LRCH1: variants seen among roughly 807,000 people sequenced by gnomAD.
The protein encoded by LRCH1 is leucine rich repeats and calponin homology domain containing 1.
Under a neutral mutation model 94.9 loss-of-function variants are expected in LRCH1, and 23 were observed. The ratio of observed to expected loss-of-function variants is 0.24; its 90% confidence interval spans 0.17 to 0.34. The LOEUF is 0.34. Ranked by LOEUF, LRCH1 falls within the 10% of genes least tolerant of loss-of-function variation. The probability of loss-of-function intolerance (pLI) is 1.00; values close to 1 mark genes in which losing one functional copy is unlikely to be tolerated. For missense variants in LRCH1, 790 were observed against 945.9 expected (o/e 0.84, Z 2.16); for synonymous variants, 364 against 354.9 (o/e 1.03, Z -0.29).
chr13:46,620,362 C>CAA (rs1226581498), intron 1 of LRCH1, among the ~76,000 whole-genome samples: 3 of 122,148 alleles, frequency 2.5e-5, no homozygotes, highest in African/African-American at 9.1e-5. Context: ...GAACCTGTCT[C>CAA]AAAAAAAAAA....
intron 4 of LRCH1, among the ~76,000 whole-genome samples, chr13:46,684,643 A>G (rs1328145036): frequency 6.6e-6 from 1 of 152,176 alleles, no homozygotes; most frequent in Non-Finnish European, 1.5e-5. Flanking sequence ...AATTCTTATC[A>G]TCTTACAAAC....
chr13:46,595,963 G>A (rs1311298274), intron 1 of LRCH1, among the ~76,000 whole-genome samples: 1 of 151,386 alleles, frequency 6.6e-6, no homozygotes, highest in African/African-American at 2.4e-5. Flanking sequence ...TAAACACATC[G>A]GTCATAACTT....
Position 46,647,662 on chromosome 13 carries a change from C to G in LRCH1, c.308-2539C>G, listed in dbSNP as rs142153200. 1.3e-4 allele frequency among the ~76,000 whole-genome samples: 20 copies of G among 152,282 alleles called. No homozygotes were observed. The East Asian group carries it at 3.9e-3, about 29-fold the overall frequency. On this transcript the variant is annotated intron_variant, in intron 1 of 19. Transcript: ENST00000389797. ...GCACTCTGGCTTTATACTATTCATA[C>G]AAAGCCTTCCCCATTCTGAGATCGT...
At chr13:46,712,320 G>A (rs9534472) in intron 14 of LRCH1, among the ~76,000 whole-genome samples, 20,184 of 152,172 alleles carry the variant, frequency 0.13, 1,384 homozygotes, top group South Asian at 0.16. Context: ...AACAAATTGA[G>A]TGGGTCACTC....
chr13:46,682,556 A>T (rs554538052), intron 4 of LRCH1, among the ~76,000 whole-genome samples: 13 of 152,286 alleles, frequency 8.5e-5, no homozygotes, highest in African/African-American at 3.1e-4. Flanking sequence ...TCGGGGACAT[A>T]CTTTGTTCTA....
At chr13:46,623,773 A>G (rs2050911375) in intron 1 of LRCH1, among the ~76,000 whole-genome samples, 2 of 144,344 alleles carry the variant, frequency 1.4e-5, no homozygotes, top group Non-Finnish European at 3.0e-5. Flanking sequence ...CAGGTTTGTT[A>G]CATATGTATA....
At chr13:46,695,516 G>C (rs1334091601) in intron 9 of LRCH1, among the ~76,000 whole-genome samples, 2 of 152,258 alleles carry the variant, frequency 1.3e-5, no homozygotes, top group East Asian at 3.9e-4. Flanking sequence ...TTGCCGAGTT[G>C]TCAGGAAAAC....
At chr13:46,751,502 A>T (rs1415838455) in exon 19 of LRCH1, 3 of 151,626 alleles carry the variant, frequency 2.0e-5, no homozygotes, top group Non-Finnish European at 2.9e-5. Context: ...CCCCAAAGTT[A>T]TTTGTAAATA....
rs3803192 is a variant in LRCH1 at position 46,578,368 on chromosome 13, A to C, written c.307+24665A>C. ...TTGGGCTTGGGTGCCACCTTATATA[A>C]ACATTGCTGCTTTTAGTGCATCGCA... On this transcript the variant is annotated intron_variant, in intron 1 of 19. Coordinates refer to ENST00000389797, the MANE Select transcript of LRCH1 (RefSeq NM_001164211.2). 1.8e-4 allele frequency among the ~76,000 whole-genome samples: 28 copies of C among 152,290 alleles called. No homozygotes were observed. The East Asian group carries it at 5.4e-3, about 29-fold the overall frequency.
At position 46,723,205 on chromosome 13, in the gene LRCH1, C is replaced by T; in HGVS notation, c.1760-16C>T. 6.7e-7 allele frequency: 1 copy of T among 1,494,338 alleles called. No individual in the cohort carries two copies. Among genetic ancestry groups the T allele is most frequent in the Non-Finnish European group, 9.2e-7 (1 of 1,083,086 alleles). The allele number at this position is 1,494,338 out of a possible 1,614,324, so 92.6% of individuals were successfully genotyped here. A position where few individuals can be genotyped will look rare whatever the true frequency, so the allele number is the denominator to read the frequency against. ...AAGGCACTATATAAAGGCTTTTTTT[C>T]CCCTTTGTATTGTAGTGTTTCTAAG... On this transcript the variant is annotated splice_polypyrimidine_tract_variant and intron_variant, in intron 16 of 19. Coordinates refer to ENST00000389797, the MANE Select transcript of LRCH1 (RefSeq NM_001164211.2).
At chr13:46,651,713 T>TC (rs1320160664) in intron 2 of LRCH1, among the ~76,000 whole-genome samples, 1 of 150,802 alleles carries the variant, frequency 6.6e-6, no homozygotes, top group Non-Finnish European at 1.5e-5. Context: ...CTTTTTTTTT[T>TC]TTTTTGATAT....
intron 19 of LRCH1, among the ~76,000 whole-genome samples, chr13:46,740,584 A>G (rs746513921): frequency 6.6e-6 from 1 of 152,390 alleles, no homozygotes; most frequent in African/African-American, 2.4e-5. Flanking sequence ...TACATAACAT[A>G]TATCTTAAAT....
At chr13:46,682,912 T>C (rs927953003) in intron 4 of LRCH1, among the ~76,000 whole-genome samples, 2 of 152,160 alleles carry the variant, frequency 1.3e-5, no homozygotes, top group Admixed American at 6.5e-5. Context: ...AGCAGCCTCA[T>C]AGGGGGTAGT....
intron 15 of LRCH1, among the ~76,000 whole-genome samples, chr13:46,714,918 C>A (rs928601236): frequency 2.0e-5 from 3 of 151,748 alleles, no homozygotes; most frequent in African/African-American, 7.3e-5. Context: ...TTTAACTGAG[C>A]AATATTGAAA....
rs1873831772 is a variant in LRCH1 at position 46,744,654 on chromosome 13, G to A, written c.*2806G>A. 2.0e-6 allele frequency: 2 copies of A among 985,416 alleles called. No individual in the cohort carries two copies. Among genetic ancestry groups the A allele is most frequent in the Non-Finnish European group, 2.4e-6 (2 of 829,924 alleles). The allele number at this position is 985,416 out of a possible 1,614,324, so 61.0% of individuals were successfully genotyped here. On this transcript the variant is annotated 3_prime_UTR_variant, in exon 20 of 20. Coordinates refer to ENST00000389797, the MANE Select transcript of LRCH1 (RefSeq NM_001164211.2). Reference sequence around the variant, plus strand: ...TGTAAGAAATTAAAACTAGCGCGTGGTGAGCTGGGTTATCTCTCGAAAACT... The same window carrying A: ...TGTAAGAAATTAAAACTAGCGCGTGATGAGCTGGGTTATCTCTCGAAAACT...
intron 1 of LRCH1, among the ~76,000 whole-genome samples, chr13:46,629,248 G>A (rs2050989878): frequency 1.3e-5 from 2 of 152,180 alleles, no homozygotes; most frequent in Admixed American, 6.5e-5. Context: ...CCTTTCTGCA[G>A]TTAATAAACA....
Position 46,692,654 on chromosome 13 carries a change from A to T in LRCH1, c.1120+13A>T. 1.9e-6 allele frequency: 3 copies of T among 1,594,176 alleles called. No homozygotes were observed. Among genetic ancestry groups the T allele is most frequent in the Non-Finnish European group, 2.6e-6 (3 of 1,162,848 alleles). Reference sequence around the variant, plus strand: ...AGCCCCGTTAAAGGTCTGAGAATAAAAATGTGGAGAAAGTGCTTGTTTTTC... The same window carrying T: ...AGCCCCGTTAAAGGTCTGAGAATAATAATGTGGAGAAAGTGCTTGTTTTTC... On this transcript the variant is annotated intron_variant, in intron 8 of 19. Coordinates refer to ENST00000389797, the MANE Select transcript of LRCH1 (RefSeq NM_001164211.2).
chr13:46,569,278 T>C (rs1245858602), intron 1 of LRCH1, among the ~76,000 whole-genome samples: 1 of 152,190 alleles, frequency 6.6e-6, no homozygotes, highest in Non-Finnish European at 1.5e-5. Context: ...TCAGACACTT[T>C]GCAGACACGA....
intron 13 of LRCH1, 92 bp downstream of exon 13, chr13:46,705,396 A>C: frequency 9.0e-7 from 1 of 1,107,464 alleles, no homozygotes; most frequent in Non-Finnish European, 1.4e-6. Context: ...TCAGGGAGTG[A>C]AACATCTTTA....
Sources: allele counts gnomAD v4.1 joint callset (sites outside exome capture counted in the v4.1 genomes callset), GRCh38; gene constraint gnomAD v4.1.1; transcripts MANE v1.5; gene names NCBI Gene and HGNC (gene_info 2026-07-23, HGNC 2026-07-21).